Variants in DYNC1I1 observed in about 807,000 individuals in gnomAD.
DYNC1I1 encodes the protein dynein cytoplasmic 1 intermediate chain 1.
In DYNC1I1, 43 loss-of-function variants were observed where a neutral mutation model predicts 86.6. That is an observed-to-expected ratio of 0.50 (90% CI 0.39 to 0.64). The LOEUF (loss-of-function observed/expected upper bound fraction) is 0.64. Ranked by LOEUF, DYNC1I1 falls within the 30% of genes least tolerant of loss-of-function variation. DYNC1I1 has a pLI of 0.00. For synonymous variants in DYNC1I1, 262 were observed against 283.7 expected (o/e 0.92, Z 0.77); for missense variants, 604 against 788.8 (o/e 0.77, Z 2.81).
chr7:96,059,960 G>T (rs1789714240), intron 14 of DYNC1I1, among the ~76,000 whole-genome samples: 1 of 152,166 alleles, frequency 6.6e-6, no homozygotes, highest in African/African-American at 2.4e-5. Context: ...AGGGTAATGA[G>T]AAGCCACTGA....
chr7:96,031,014 A>G (rs1794795697), intron 11 of DYNC1I1, among the ~76,000 whole-genome samples: 3 of 152,312 alleles, frequency 2.0e-5, no homozygotes, highest in South Asian at 4.1e-4. Context: ...TGTGAAAGAC[A>G]TAGGGACTTA....
At chr7:95,981,364 T>C (rs1325554965) in intron 7 of DYNC1I1, among the ~76,000 whole-genome samples, 1 of 152,084 alleles carries the variant, frequency 6.6e-6, no homozygotes, top group East Asian at 1.9e-4. Flanking sequence ...TATTTAAAAG[T>C]ATTTTCATAT....
At chr7:96,029,111 C>G (rs184924635) in intron 11 of DYNC1I1, among the ~76,000 whole-genome samples, 11 of 152,240 alleles carry the variant, frequency 7.2e-5, no homozygotes, top group African/African-American at 2.4e-4. Context: ...GTTTCATATG[C>G]TGGACTCAAA....
At chr7:95,784,604 A>G (rs1208194740) in intron 1 of DYNC1I1, among the ~76,000 whole-genome samples, 1 of 152,214 alleles carries the variant, frequency 6.6e-6, no homozygotes. Context: ...TCTTTGGCAA[A>G]TAGTTATGAG....
intron 10 of DYNC1I1, among the ~76,000 whole-genome samples, chr7:96,006,996 A>G (rs1201587570): frequency 6.6e-6 from 1 of 152,234 alleles, no homozygotes; most frequent in Non-Finnish European, 1.5e-5. Context: ...CCCCCAAAAT[A>G]TGTACAACTA....
At chr7:95,850,909 A>G (rs1049069604) in intron 5 of DYNC1I1, among the ~76,000 whole-genome samples, 2 of 152,176 alleles carry the variant, frequency 1.3e-5, no homozygotes, top group Non-Finnish European at 2.9e-5. Context: ...ATTAAGTAAA[A>G]TAAGGGTTAC....
chr7:96,075,001 A>G (rs1264598005), intron 14 of DYNC1I1, among the ~76,000 whole-genome samples: 1 of 152,206 alleles, frequency 6.6e-6, no homozygotes. Flanking sequence ...AGAATACTTA[A>G]TTTCTTTTAT....
chr7:96,049,436 G>T (rs542792383), intron 14 of DYNC1I1, among the ~76,000 whole-genome samples: 1 of 151,916 alleles, frequency 6.6e-6, no homozygotes, highest in Admixed American at 6.6e-5. Context: ...GAAGTGTAGC[G>T]GAGACAAAGA....
intron 6 of DYNC1I1, among the ~76,000 whole-genome samples, chr7:95,885,176 CT>C (rs1009873697): frequency 6.0e-5 from 9 of 151,114 alleles, no homozygotes; most frequent in East Asian, 5.8e-4. Flanking sequence ...TCTTCTTCTT[CT>C]TTTTTTTTGA....
At chr7:95,926,211 G>T (rs1791740526) in intron 6 of DYNC1I1, among the ~76,000 whole-genome samples, 1 of 152,172 alleles carries the variant, frequency 6.6e-6, no homozygotes. Flanking sequence ...TGACAGGAAA[G>T]ATTTAACTAG....
At chr7:95,907,277 T>C (rs914242217) in intron 6 of DYNC1I1, among the ~76,000 whole-genome samples, 1 of 152,180 alleles carries the variant, frequency 6.6e-6, no homozygotes, top group Admixed American at 6.5e-5. Flanking sequence ...CTCTCATGAG[T>C]GTAAGTGAGC....
At chr7:96,093,098 A>G (rs1790895590) in intron 16 of DYNC1I1, among the ~76,000 whole-genome samples, 1 of 152,186 alleles carries the variant, frequency 6.6e-6, no homozygotes, top group African/African-American at 2.4e-5. Flanking sequence ...AAATTTTTTT[A>G]AAAAACAGAA....
At chr7:96,075,901 C>T (rs1790321597) in intron 14 of DYNC1I1, among the ~76,000 whole-genome samples, 156 bp from the exon 15 acceptor site, 1 of 151,796 alleles carries the variant, frequency 6.6e-6, no homozygotes, top group South Asian at 2.1e-4. Flanking sequence ...CTGGACAGTT[C>T]TAGTCACATT....
downstream of DYNC1I1, chr7:96,110,112 T>C (rs1791290569): frequency 2.3e-6 from 1 of 442,438 alleles, no homozygotes; most frequent in Non-Finnish European, 4.5e-6. Context: ...TATCAGCTAC[T>C]GAGAGATGAG....
intron 6 of DYNC1I1, among the ~76,000 whole-genome samples, chr7:95,900,842 A>G (rs978047287): frequency 1.3e-5 from 2 of 152,222 alleles, no homozygotes; most frequent in Admixed American, 1.3e-4. Flanking sequence ...TAAATAACAT[A>G]TAAGGAATGA....
chr7:95,928,330 T>C (rs1791799835), intron 6 of DYNC1I1, among the ~76,000 whole-genome samples: 1 of 152,240 alleles, frequency 6.6e-6, no homozygotes, highest in South Asian at 2.1e-4. Context: ...TAAGTTACTT[T>C]ATTTCCTGTG....
chr7:95,888,359 C>T (rs1790650558), intron 6 of DYNC1I1, among the ~76,000 whole-genome samples: 1 of 152,148 alleles, frequency 6.6e-6, no homozygotes, highest in Non-Finnish European at 1.5e-5. Flanking sequence ...ATCGCTTGAG[C>T]CCAGGAGGTT....
At chr7:95,888,084 C>A (rs906600368) in intron 6 of DYNC1I1, among the ~76,000 whole-genome samples, 2 of 152,176 alleles carry the variant, frequency 1.3e-5, no homozygotes, top group Non-Finnish European at 2.9e-5. Context: ...AATGTTAGTA[C>A]TCCAAAGACT....
chr7:96,037,980 G>A (rs1039045033), intron 13 of DYNC1I1, among the ~76,000 whole-genome samples: 3 of 152,082 alleles, frequency 2.0e-5, no homozygotes, highest in Non-Finnish European at 4.4e-5. Flanking sequence ...ATTAAACAAG[G>A]TCCTCATTTT....
Sources: allele counts gnomAD v4.1 joint callset (sites outside exome capture counted in the v4.1 genomes callset), GRCh38; gene constraint gnomAD v4.1.1; transcripts MANE v1.5; gene names NCBI Gene and HGNC (gene_info 2026-07-23, HGNC 2026-07-21).